Variants in DSCAM observed in about 807,000 individuals in gnomAD.
DSCAM encodes cell adhesion molecule DSCAM.
A neutral mutation model predicts 217.7 loss-of-function variants in DSCAM; 47 were observed. The observed-to-expected ratio is 0.22, with a 90% CI of 0.17 to 0.28. The LOEUF is 0.28. DSCAM is among the 10% of genes least tolerant of loss of function. DSCAM has a pLI of 1.00. For missense variants in DSCAM, 2,080 were observed against 2,618.3 expected, an observed-to-expected ratio of 0.79 and a Z score of 4.49; for synonymous variants, 1,056 against 1,015.3, an observed-to-expected ratio of 1.04 and a Z score of -0.76.
intron 3 of DSCAM, among the ~76,000 whole-genome samples, chr21:40,416,304 ACT>A (rs1429263028): frequency 6.6e-6 from 1 of 151,998 alleles, no homozygotes; most frequent in Non-Finnish European, 1.5e-5. Flanking sequence ...CGCTTGACCC[ACT>A]GTGCTCACAC....
rs564018055 is a variant in DSCAM, at chr21:40,237,421, G to A, written c.2356+38676C>T. Among the ~76,000 whole-genome samples, 32 of 152,206 alleles carry A rather than the reference G, an allele frequency of 2.1e-4. 1 individual carries two copies. In the East Asian group the frequency reaches 2.9e-3, roughly 14 times the overall value. ...GATGTTCCCCTCCCTGTGTCCATGTGTTCTCATTGTTCAGCTCCCACTGAT... is the reference window on the plus strand; with the variant it reads ...GATGTTCCCCTCCCTGTGTCCATGTATTCTCATTGTTCAGCTCCCACTGAT... On this transcript the variant is annotated intron_variant, in intron 11 of 32. Transcript: ENST00000400454.
intron 8 of DSCAM, among the ~76,000 whole-genome samples, chr21:40,313,078 G>C (rs996762070): frequency 6.7e-6 from 1 of 150,316 alleles, no homozygotes; most frequent in Admixed American, 6.7e-5. Flanking sequence ...GAGGGCACCA[G>C]TGCACTCCAG....
rs977142280 is a variant in DSCAM at position 40,144,186 on chromosome 21, T to C, written c.3259+305A>G. On this transcript the variant is annotated intron_variant, in intron 17 of 32. Transcript: ENST00000400454. The surrounding 1 kb of genome is among the most constrained non-coding windows in gnomAD (Gnocchi z 4.8). ...AGCATTTCTGCATTCTCGTGAGACT[T>C]CTGCAGTAATAGAGAGAGCCTTGTT... is the stretch of plus-strand genomic sequence containing the variant. 1.2e-4 allele frequency among the ~76,000 whole-genome samples: 18 copies of C among 152,230 alleles called. No individual in the cohort carries two copies. Among genetic ancestry groups the C allele is most frequent in the African/African-American group, 3.1e-4 (13 of 41,458 alleles).
At chr21:40,266,541 C>T (rs1377335126) in intron 11 of DSCAM, among the ~76,000 whole-genome samples, 2 of 148,968 alleles carry the variant, frequency 1.3e-5, no homozygotes, top group Non-Finnish European at 3.0e-5. Flanking sequence ...TCAAAAGACA[C>T]CTGCATGTCT....
intron 6 of DSCAM, among the ~76,000 whole-genome samples, 197 bp downstream of exon 6, chr21:40,347,473 T>A (rs2074571285): frequency 6.6e-6 from 1 of 152,184 alleles, no homozygotes; most frequent in Non-Finnish European, 1.5e-5. Context: ...ACTTCTAATA[T>A]GAAACAATTT....
chr21:40,305,389 C>CATAAAA (rs766752825), intron 9 of DSCAM, among the ~76,000 whole-genome samples: 5 of 68,568 alleles, frequency 7.3e-5, no homozygotes, highest in African/African-American at 2.1e-4. Context: ...GATCCCGTCT[C>CATAAAA]AAAAAAAAAA....
chr21:40,144,742 G>A lies in DSCAM; in HGVS notation c.3019-11C>T. ...ATGTTTCTTGGGAGCCTAAACAGGA[G>A]AGAAAAGAACACACTAAAGAAGTCT... is the stretch of plus-strand genomic sequence containing the variant. On this transcript the variant is annotated splice_polypyrimidine_tract_variant and intron_variant, in intron 16 of 32. Coordinates refer to ENST00000400454, the MANE Select transcript of DSCAM (RefSeq NM_001389.5). This position sits in a 1 kb window ranked among gnomAD's most constrained non-coding sequence, Gnocchi z 4.8. 6.2e-7 allele frequency: 1 copy of A among 1,614,088 alleles called. No individual in the cohort carries two copies. Among genetic ancestry groups the A allele is most frequent in the Non-Finnish European group, 8.5e-7 (1 of 1,180,022 alleles).
intron 1 of DSCAM, among the ~76,000 whole-genome samples, chr21:40,829,977 A>T (rs2091999821): frequency 6.6e-6 from 1 of 152,188 alleles, no homozygotes; most frequent in South Asian, 2.1e-4. Context: ...TAAGAAAGCC[A>T]TGTTTGCTAT....
At chr21:40,520,037 T>C (rs1007900934) in intron 3 of DSCAM, among the ~76,000 whole-genome samples, 8 of 152,166 alleles carry the variant, frequency 5.3e-5, no homozygotes, top group Non-Finnish European at 1.0e-4. Context: ...CACATATTTA[T>C]ATTATTTCAG....
At chr21:40,351,531 TGAA>T (rs1456136231) in intron 5 of DSCAM, among the ~76,000 whole-genome samples, 1 of 152,074 alleles carries the variant, frequency 6.6e-6, no homozygotes, top group Non-Finnish European at 1.5e-5. Context: ...GCTCTACAAA[TGAA>T]ACAGAGCCTA....
At chr21:40,320,749 G>A (rs751554307) in intron 8 of DSCAM, among the ~76,000 whole-genome samples, 1 of 152,150 alleles carries the variant, frequency 6.6e-6, no homozygotes, top group Non-Finnish European at 1.5e-5. Flanking sequence ...GATCTCATAA[G>A]ACTTATTCAC....
chr21:40,182,644 A>AGGGGGCTACCAGAGAAACCGTGGACAGGG (rs1159409661), intron 14 of DSCAM, among the ~76,000 whole-genome samples: 2 of 51,448 alleles, frequency 3.9e-5, no homozygotes, highest in African/African-American at 2.2e-4. Context: ...CGTGGACAGG[A>AGGGGGCTACCAGAGAAACCGTGGACAGGG]GGGGGTTACC....
In DSCAM at chr21:40,029,709, T is replaced by C. The variant is rs546923172; in HGVS notation, c.5686+12662A>G. Among the ~76,000 whole-genome samples, 11 of 152,218 alleles carry C rather than the reference T, an allele frequency of 7.2e-5. No individual in the cohort carries two copies. In the East Asian group the frequency reaches 2.1e-3, roughly 29 times the overall value. On this transcript the variant is annotated intron_variant, in intron 32 of 32. Transcript: ENST00000400454. ...CTCAGTTGTCATTTTGACCATGCTG[T>C]TTTCCCTCTCTGAAGTCTGGGTATC... is the stretch of plus-strand genomic sequence containing the variant.
At chr21:40,435,112 A>G (rs1012879623) in intron 3 of DSCAM, among the ~76,000 whole-genome samples, 2 of 152,220 alleles carry the variant, frequency 1.3e-5, no homozygotes, top group Admixed American at 1.3e-4. Flanking sequence ...GAGGTGGCAG[A>G]GATTACCCCG....
chr21:40,536,430 C>G (rs1028283422), intron 3 of DSCAM, among the ~76,000 whole-genome samples: 62 of 133,746 alleles, frequency 4.6e-4, no homozygotes, highest in Non-Finnish European at 8.8e-4. Flanking sequence ...GAGACGGAGT[C>G]TCGCTGTGTC....
intron 3 of DSCAM, among the ~76,000 whole-genome samples, chr21:40,609,701 A>G (rs928031870): frequency 3.3e-5 from 5 of 152,242 alleles, no homozygotes; most frequent in African/African-American, 1.2e-4. Context: ...GTTGGGGAAG[A>G]TGGTAAAAAA....
intron 20 of DSCAM, among the ~76,000 whole-genome samples, chr21:40,122,538 G>A (rs755720434): frequency 2.0e-5 from 3 of 152,198 alleles, no homozygotes; most frequent in Non-Finnish European, 4.4e-5. Context: ...ACATGTCAGT[G>A]ATAAGCAGAA....
intron 3 of DSCAM, among the ~76,000 whole-genome samples, chr21:40,585,419 CAAAAAAAAAAAAAA>C (rs71186946): frequency 0.071 from 6,176 of 87,070 alleles, 204 homozygotes; most frequent in Middle Eastern, 0.22. Flanking sequence ...GACTCCGTCT[CAAAAAAAAAAAAAA>C]AAAAAAAAAA....
chr21:40,411,910 A>G (rs530642487), intron 3 of DSCAM, among the ~76,000 whole-genome samples: 2 of 152,312 alleles, frequency 1.3e-5, no homozygotes, highest in Non-Finnish European at 2.9e-5. Context: ...TGTAGCTCCC[A>G]TAATTCCCAT....
Sources: allele counts gnomAD v4.1 joint callset (sites outside exome capture counted in the v4.1 genomes callset), GRCh38; gene constraint gnomAD v4.1.1; non-coding constraint Gnocchi (gnomAD v3.1); transcripts MANE v1.5; gene names NCBI Gene and HGNC (gene_info 2026-07-23, HGNC 2026-07-21).